Variants in NALCN observed in about 807,000 individuals in gnomAD.
The protein encoded by NALCN is sodium leak channel, non-selective.
In NALCN, 111 loss-of-function variants were observed where a neutral mutation model predicts 225.3. The observed-to-expected ratio is 0.49, with a 90% CI of 0.42 to 0.58. The LOEUF (loss-of-function observed/expected upper bound fraction) is 0.58, where lower values mean the gene tolerates loss of function less well. NALCN is among the 20% of genes least tolerant of loss of function. The pLI, the probability that NALCN is intolerant of heterozygous loss-of-function variation, is 0.00. For synonymous variants in NALCN, 764 were observed against 769.0 expected (o/e 0.99, Z 0.11); for missense variants, 1,378 against 2,202.4 (o/e 0.63, Z 7.49).
rs575387459 is a variant in NALCN, at chr13:101,201,183, T to C, written c.1627-9129A>G. The stretch of plus-strand genomic sequence containing the variant: ...TTGACTTTTAAAAGAAATAGGTTTT[T>C]GAGATACAATTTGCATACCATAAAG... On this transcript the variant is annotated intron_variant, in intron 13 of 43. Coordinates refer to ENST00000251127, the MANE Select transcript of NALCN (RefSeq NM_052867.4). Among the ~76,000 whole-genome samples, 81 of 152,308 alleles carry C rather than the reference T, an allele frequency of 5.3e-4. 1 individual carries two copies. In the South Asian group the frequency reaches 0.015, roughly 28 times the overall value.
chr13:101,272,944 T>C (rs1338725235), intron 10 of NALCN, among the ~76,000 whole-genome samples: 1 of 152,174 alleles, frequency 6.6e-6, no homozygotes, highest in Non-Finnish European at 1.5e-5. Flanking sequence ...TCAAAGAGCA[T>C]TAAAACACTG....
intron 11 of NALCN, among the ~76,000 whole-genome samples, chr13:101,249,569 T>C (rs1187103879): frequency 6.6e-6 from 1 of 152,172 alleles, no homozygotes; most frequent in Non-Finnish European, 1.5e-5. Flanking sequence ...TGCTATAAAA[T>C]CAAGTGTTTC....
chr13:101,318,654 T>C (rs2044640514), intron 7 of NALCN, among the ~76,000 whole-genome samples: 2 of 152,198 alleles, frequency 1.3e-5, no homozygotes, highest in East Asian at 1.9e-4. Flanking sequence ...CTTAGTAGGC[T>C]GAAGAGGCTA....
intron 1 of NALCN, among the ~76,000 whole-genome samples, chr13:101,407,289 A>G (rs2047652181): frequency 6.6e-6 from 1 of 152,146 alleles, no homozygotes; most frequent in Admixed American, 6.5e-5. Context: ...AAGGTGGTAA[A>G]CTCCTTTATG....
chr13:101,359,103 G>C (rs940901439), intron 6 of NALCN, among the ~76,000 whole-genome samples: 1 of 152,124 alleles, frequency 6.6e-6, no homozygotes, highest in Non-Finnish European at 1.5e-5. Flanking sequence ...TAGATGATGG[G>C]TTGACAGGTG....
intron 17 of NALCN, among the ~76,000 whole-genome samples, chr13:101,127,727 C>CAT (rs1466462771): frequency 3.3e-5 from 5 of 152,104 alleles, no homozygotes; most frequent in Non-Finnish European, 5.9e-5. Flanking sequence ...TCTACTTATA[C>CAT]ATATATATAT....
chr13:101,093,003 C>T (rs527696058), intron 28 of NALCN, among the ~76,000 whole-genome samples: 1 of 152,294 alleles, frequency 6.6e-6, no homozygotes, highest in South Asian at 2.1e-4. Flanking sequence ...GGCCTTACCA[C>T]AGTGACAAGC....
chr13:101,192,349 C>T (rs570771022), intron 13 of NALCN, among the ~76,000 whole-genome samples: 207 of 152,182 alleles, frequency 1.4e-3, no homozygotes, highest in African/African-American at 4.3e-3. Context: ...TGGTTTTTGC[C>T]GTTAATTTTT....
chr13:101,160,861 A>C (rs1010715655), intron 15 of NALCN, among the ~76,000 whole-genome samples: 15 of 152,176 alleles, frequency 9.9e-5, no homozygotes, highest in Non-Finnish European at 1.6e-4. Flanking sequence ...GGATCGACCA[A>C]ATCTGTTCTT....
At chr13:101,329,963 C>T (rs1395877847) in intron 7 of NALCN, among the ~76,000 whole-genome samples, 4 of 151,554 alleles carry the variant, frequency 2.6e-5, no homozygotes, top group Non-Finnish European at 4.4e-5. Flanking sequence ...TGCTTGAACC[C>T]GGGAGGAGGA....
intron 15 of NALCN, among the ~76,000 whole-genome samples, chr13:101,164,992 C>G (rs915546613): frequency 3.3e-5 from 5 of 152,172 alleles, no homozygotes; most frequent in African/African-American, 1.2e-4. Context: ...CTCTCAGCCA[C>G]TAATGATTTA....
chr13:101,066,096 C>T (rs755082871), intron 39 of NALCN, among the ~76,000 whole-genome samples: 2 of 152,028 alleles, frequency 1.3e-5, no homozygotes, highest in Non-Finnish European at 1.5e-5. Context: ...GAGGCCGAGG[C>T]GGGTGGATCA....
intron 14 of NALCN, among the ~76,000 whole-genome samples, chr13:101,178,804 G>A (rs561292280): frequency 2.0e-4 from 30 of 152,276 alleles, no homozygotes; most frequent in Non-Finnish European, 3.4e-4. Flanking sequence ...TTGAGAACAC[G>A]TATGGAAAGC....
At chr13:101,160,470 G>T (rs1457823835) in intron 15 of NALCN, among the ~76,000 whole-genome samples, 1 of 152,080 alleles carries the variant, frequency 6.6e-6, no homozygotes, top group Non-Finnish European at 1.5e-5. Context: ...ACCCTACAAT[G>T]GCACTCACAT....
At chr13:101,147,892 T>G (rs1397443774) in intron 15 of NALCN, among the ~76,000 whole-genome samples, 5 of 152,166 alleles carry the variant, frequency 3.3e-5, no homozygotes, top group Admixed American at 2.0e-4. Context: ...GGCCCTCTGC[T>G]GGGTTCCCCT....
intron 15 of NALCN, among the ~76,000 whole-genome samples, chr13:101,165,310 C>T (rs2038385072): frequency 6.6e-6 from 1 of 152,162 alleles, no homozygotes; most frequent in African/African-American, 2.4e-5. Context: ...TCATTGATTC[C>T]CTATCCTCTG....
intron 17 of NALCN, among the ~76,000 whole-genome samples, chr13:101,130,328 T>C (rs2036455909): frequency 6.6e-6 from 1 of 152,192 alleles, no homozygotes; most frequent in Non-Finnish European, 1.5e-5. Context: ...CTTCTTCCCG[T>C]TCACCTCCTC....
chr13:101,133,908 G>A (rs534731973), intron 17 of NALCN, among the ~76,000 whole-genome samples: 28 of 152,254 alleles, frequency 1.8e-4, no homozygotes, highest in Non-Finnish European at 3.4e-4. Flanking sequence ...GGTGGCTCAC[G>A]CCTGTAATCC....
intron 6 of NALCN, among the ~76,000 whole-genome samples, chr13:101,363,127 T>C (rs560348009): frequency 7.9e-5 from 12 of 152,280 alleles, no homozygotes; most frequent in African/African-American, 2.4e-4. Flanking sequence ...TGCTCATGAA[T>C]TGGAAGAATC....
Sources: allele counts gnomAD v4.1 joint callset (sites outside exome capture counted in the v4.1 genomes callset), GRCh38; gene constraint gnomAD v4.1.1; transcripts MANE v1.5; gene names NCBI Gene and HGNC (gene_info 2026-07-23, HGNC 2026-07-21).